MYCBPAP: variants seen among roughly 807,000 people sequenced by gnomAD.
MYCBPAP encodes the protein MYCBP-associated protein.
In MYCBPAP, 60 loss-of-function variants were observed where a neutral mutation model predicts 106.1. The ratio of observed to expected loss-of-function variants is 0.57; its 90% confidence interval spans 0.46 to 0.70. The LOEUF (loss-of-function observed/expected upper bound fraction) is 0.70. Among genes scored for constraint, MYCBPAP ranks in the 30% least tolerant of loss-of-function variants. The pLI, the probability that MYCBPAP is intolerant of heterozygous loss-of-function variation, is 0.00. For synonymous variants in MYCBPAP, 407 were observed against 440.6 expected, an observed-to-expected ratio of 0.92 and a Z score of 0.95; for missense variants, 1,064 against 1,169.3, an observed-to-expected ratio of 0.91 and a Z score of 1.31.
intron 18 of MYCBPAP, 117 bp downstream of exon 18, chr17:50,529,305 A>C (rs1271823687): frequency 1.0e-6 from 1 of 976,602 alleles, no homozygotes; most frequent in Non-Finnish European, 1.5e-6. Context: ...TGCTTCAGGA[A>C]GGGCATCCTC....
At chr17:50,530,509 A>C (rs2034600341) in intron 18 of MYCBPAP, among the ~76,000 whole-genome samples, 1 of 151,324 alleles carries the variant, frequency 6.6e-6, no homozygotes, top group Non-Finnish European at 1.5e-5. Context: ...AAAAAAAAGA[A>C]TCAACTTGCT....
At chr17:50,519,304 A>C in intron 6 of MYCBPAP, 1 of 589,180 alleles carries the variant, frequency 1.7e-6, no homozygotes, top group South Asian at 2.1e-5. Flanking sequence ...ACAGGTAGCA[A>C]GTTATTAGAG....
In MYCBPAP at chr17:50,527,272, C is replaced by G. The variant is rs751946725; in HGVS notation, c.2170-15C>G. The G allele has an allele frequency of 1.2e-5, 19 of 1,613,696 alleles. No homozygotes were observed. The highest frequency in any genetic ancestry group is 1.6e-5 in the Non-Finnish European group (19 of 1,179,858). ...TTGGTGTCCTGGTGCAGAATGGTGCCCATGACCCTGCCAGGCAGTGATGGT... is the reference window on the plus strand; with the variant it reads ...TTGGTGTCCTGGTGCAGAATGGTGCGCATGACCCTGCCAGGCAGTGATGGT... On this transcript the variant is annotated splice_polypyrimidine_tract_variant and intron_variant, in intron 14 of 18. Transcript: ENST00000323776.
intron 7 of MYCBPAP, 52 bp from the exon 8 acceptor site, chr17:50,521,058 G>A: frequency 6.9e-7 from 1 of 1,450,092 alleles, no homozygotes; most frequent in Admixed American, 1.9e-5. Flanking sequence ...AAGTGGGTGA[G>A]CAAGGGGACA....
In MYCBPAP at chr17:50,527,338, C is replaced by G. The variant is rs558399260; in HGVS notation, c.2221C>G (p.Leu741Val). Reference protein sequence around the residue: ...ENHREDALMRLNKAALELCQK... With the variant: ...ENHREDALMRVNKAALELCQK... Reference sequence around the variant, plus strand: ...CCACAGAGAGGATGCGTTGATGAGGCTCAACAAAGCAGCCCTGGAGCTGTG... The same window carrying G: ...CCACAGAGAGGATGCGTTGATGAGGGTCAACAAAGCAGCCCTGGAGCTGTG... The change falls in exon 15 of 19, where the codon CTC becomes GTC. Residue 741 changes from leucine to valine, a missense_variant. Leu to Val is a conservative substitution (Grantham distance 32). Transcript: ENST00000323776. 22 of 1,614,130 alleles carry G rather than the reference C, an allele frequency of 1.4e-5. No individual in the cohort carries two copies. The African/African-American group carries it at 2.4e-4, about 18-fold the overall frequency.
rs1283830053 is a variant in MYCBPAP, at chr17:50,519,703, G to A, written c.832G>A (p.Val278Ile). The change falls in exon 7 of 19, where the codon GTC becomes ATC. Residue 278 changes from valine to isoleucine, a missense_variant. Transcript: ENST00000323776. ...CTTGGGAGATGAGATGACAGGTCTG[G>A]TCATGACCAAGACAAAAACTCAGCG... ...EYLGDEMTGL[V>I]MTKTKTQRGL... 6.2e-7 allele frequency: 1 copy of A among 1,614,018 alleles called. No homozygotes were observed. Among genetic ancestry groups the A allele is most frequent in the Non-Finnish European group, 8.5e-7 (1 of 1,180,036 alleles).
rs780386618 is a variant in MYCBPAP, at chr17:50,523,683, C to T, written c.1534C>T (p.Arg512Ter). The change falls in exon 12 of 19, where the codon CGA becomes TGA. Residue 512 changes from arginine to a stop codon, truncating the protein, a stop_gained. Coordinates refer to ENST00000323776, the MANE Select transcript of MYCBPAP (RefSeq NM_032133.6). LOFTEE classifies it high-confidence loss of function. ...GGTCTTCAGGGAATTTTGGGAGTTT[C>T]GAACCCATCCTACTCTATTAGGAGG... Reference protein sequence around the residue: ...AGVFREFWEFRTHPTLLGGAI... With the variant: ...AGVFREFWEF 1.5e-5 allele frequency: 24 copies of T among 1,614,058 alleles called. No individual in the cohort carries two copies. Among genetic ancestry groups the T allele is most frequent in the African/African-American group, 2.7e-5 (2 of 74,926 alleles).
rs754734973 is a variant in MYCBPAP, at chr17:50,529,067, T to TA, written c.2607dup (p.Ser870IlefsTer15). On this transcript the variant is annotated frameshift_variant, in exon 18 of 19. Transcript: ENST00000323776. LOFTEE classifies it high-confidence loss of function. ...AAGGCAAAGGATGACAAGAAAGTCATAAAATCTGCAAGTCAGGACAGGTTT... is the reference window on the plus strand; with the variant it reads ...AAGGCAAAGGATGACAAGAAAGTCATAAAAATCTGCAAGTCAGGACAGGTTT... The TA allele has an allele frequency of 1.9e-6, 3 of 1,614,110 alleles. No homozygotes were observed. In the East Asian group the frequency reaches 6.7e-5, roughly 36 times the overall value.
intron 14 of MYCBPAP, among the ~76,000 whole-genome samples, 161 bp downstream of exon 14, chr17:50,526,428 A>ATTTATTTATTTATTTT (rs2034465376): frequency 1.3e-5 from 2 of 151,754 alleles, no homozygotes; most frequent in African/African-American, 2.4e-5. Context: ...TTATTTATTT[A>ATTTATTTATTTATTTT]TTTATTTATT....
In MYCBPAP at chr17:50,521,391, G is replaced by T. The variant is rs1325637170; in HGVS notation, c.1108G>T (p.Glu370Ter). 6.2e-7 allele frequency: 1 copy of T among 1,603,610 alleles called. No homozygotes were observed. The highest frequency in any genetic ancestry group is 1.7e-5 in the Admixed American group (1 of 58,938). Reference sequence around the variant, plus strand: ...TACTGTGGAAGACTACACAGTGTTTGAAAGAAGTCAGGGAAGCTCCTCTGA... The same window carrying T: ...TACTGTGGAAGACTACACAGTGTTTTAAAGAAGTCAGGGAAGCTCCTCTGA... ...AVTVEDYTVF[E>*]RSQGSSSEDT... Residue 370 changes from glutamate (E) to a stop codon, truncating the protein, a stop_gained, in exon 9 of 19, where the codon GAA becomes TAA. Coordinates refer to ENST00000323776, the MANE Select transcript of MYCBPAP (RefSeq NM_032133.6). LOFTEE classifies it high-confidence loss of function.
rs2034541964 is a variant in MYCBPAP at position 50,528,824 on chromosome 17, A to G, written c.2537A>G (p.Lys846Arg). Residue 846 changes from lysine to arginine, a missense_variant, in exon 17 of 19, where the codon AAG (lysine) becomes AGG (arginine). Physicochemically the swap from Lys to Arg is conservative, Grantham distance 26. Coordinates refer to ENST00000323776, the MANE Select transcript of MYCBPAP (RefSeq NM_032133.6). ...IKDKEDKKGA[K>R]LLGKEDRPNS... ...GACAAAGAAGACAAGAAAGGAGCCA[A>G]GCTGCTCGGGAAAGAGGCATGCTGG... 5 of 1,613,632 alleles carry G rather than the reference A, an allele frequency of 3.1e-6. No individual in the cohort carries two copies. The highest frequency in any genetic ancestry group is 4.2e-6 in the Non-Finnish European group (5 of 1,179,996).
intron 4 of MYCBPAP, 102 bp from the exon 5 acceptor site, chr17:50,518,439 C>G (rs574151877): frequency 4.9e-6 from 5 of 1,011,760 alleles, no homozygotes; most frequent in Admixed American, 5.5e-5. Context: ...GGACTCTCAG[C>G]GCAGTGGGAT....
chr17:50,523,319 G>A (rs2034345377), intron 11 of MYCBPAP, among the ~76,000 whole-genome samples, 191 bp downstream of exon 11: 1 of 152,182 alleles, frequency 6.6e-6, no homozygotes, highest in Non-Finnish European at 1.5e-5. Flanking sequence ...GATGGAACTT[G>A]AGAACCTGGG....
chr17:50,509,381 A>G (rs2033737518), intron 1 of MYCBPAP: 2 of 493,634 alleles, frequency 4.1e-6, no homozygotes, highest in East Asian at 3.6e-5. Context: ...CCTACCCTCT[A>G]CAGCTTTCTT....
intron 16 of MYCBPAP, 107 bp downstream of exon 16, chr17:50,528,377 C>T: frequency 9.8e-7 from 1 of 1,022,794 alleles, no homozygotes. Flanking sequence ...GGAAGCTCTG[C>T]TAGGTTGAGC....
At chr17:50,526,368 A>C in intron 14 of MYCBPAP, 101 bp downstream of exon 14, 1 of 1,160,794 alleles carries the variant, frequency 8.6e-7, no homozygotes, top group Non-Finnish European at 1.2e-6. Flanking sequence ...CAAAGAAACA[A>C]AACCTGAGAG....
At chr17:50,529,810 G>T (rs577219823) in intron 18 of MYCBPAP, 9 of 456,666 alleles carry the variant, frequency 2.0e-5, no homozygotes, top group South Asian at 1.2e-4. Flanking sequence ...CATGCAGGGT[G>T]CATTCCCATC....
upstream of MYCBPAP, chr17:50,508,298 C>G: frequency 2.3e-6 from 1 of 437,204 alleles, no homozygotes; most frequent in Non-Finnish European, 4.0e-6. Flanking sequence ...TCATGCACCC[C>G]TACCAGCCAG....
intron 10 of MYCBPAP, chr17:50,522,716 A>C (rs1454990453): frequency 2.4e-5 from 3 of 125,936 alleles, no homozygotes; most frequent in Non-Finnish European, 4.9e-5. Context: ...AAAAATATAT[A>C]TATATATATT....
Sources: gnomAD v4.1 joint callset for allele counts (sites outside exome capture counted in the v4.1 genomes callset) on GRCh38, gnomAD v4.1.1 for gene constraint, MANE v1.5 for transcripts, NCBI Gene and HGNC (gene_info 2026-07-23, HGNC 2026-07-21) for gene names.